LRP1: variants seen among roughly 807,000 people sequenced by gnomAD.
LRP1 encodes the protein LDL receptor related protein 1, also known as prolow-density lipoprotein receptor-related protein 1.
A neutral mutation model predicts 541.5 loss-of-function variants in LRP1; 51 were observed. That is an observed-to-expected ratio of 0.09 (90% CI 0.08 to 0.12). LRP1 has a LOEUF of 0.12. Ranked by LOEUF, LRP1 falls within the 10% of genes least tolerant of loss-of-function variation. The pLI, the probability that LRP1 is intolerant of heterozygous loss-of-function variation, is 1.00. For missense variants in LRP1, 3,878 were observed against 6,376.2 expected, an observed-to-expected ratio of 0.61 and a Z score of 13.34; for synonymous variants, 2,219 against 2,470.8, an observed-to-expected ratio of 0.90 and a Z score of 3.02.
chr12:57,172,985 T>C (rs2035975218), intron 20 of LRP1, among the ~76,000 whole-genome samples, 183 bp from the exon 21 acceptor site: 1 of 152,180 alleles, frequency 6.6e-6, no homozygotes, highest in African/African-American at 2.4e-5. Flanking sequence ...GGAGGTGTGA[T>C]GCCTCCTGAC....
rs1466250075 is a variant in LRP1, at chr12:57,200,022, C to T, written c.10011C>T (p.Ser3337=). ...CCTGTGTGTCCAACTGCACGGCTAG[C>T]CAGGTGAGGCTGTCCCCCAGACCCC... ...GRTCVSNCTA[S]QFVCKNDKCI... Residue 3337 remains serine (S), a synonymous_variant, in exon 62 of 89, where the codon AGC becomes AGT. Transcript: ENST00000243077. 19 of 1,591,226 alleles carry T rather than the reference C, an allele frequency of 1.2e-5. No individual in the cohort carries two copies. The highest frequency in any genetic ancestry group is 1.5e-5 in the Non-Finnish European group (18 of 1,173,512).
Position 57,194,569 on chromosome 12 carries a change from C to T in LRP1, c.8069-8C>T, listed in dbSNP as rs750088743. Reference sequence around the variant, plus strand: ...GAGCAGGGCCCTCACACCTGCCTCGCCCCCCAGGTGTGAAACGCCCCAGAT... The same window carrying T: ...GAGCAGGGCCCTCACACCTGCCTCGTCCCCCAGGTGTGAAACGCCCCAGAT... On this transcript the variant is annotated splice_polypyrimidine_tract_variant and splice_region_variant and intron_variant, in intron 49 of 88. Transcript: ENST00000243077. The T allele has an allele frequency of 9.3e-6, 15 of 1,612,268 alleles. No homozygotes were observed. Among genetic ancestry groups the T allele is most frequent in the African/African-American group, 6.7e-5 (5 of 74,884 alleles).
rs771288500 is a variant in LRP1 at position 57,154,399 on chromosome 12, T to A, written c.1004+29T>A. The A allele has an allele frequency of 6.9e-6, 11 of 1,602,420 alleles. No individual in the cohort carries two copies. Among genetic ancestry groups the A allele is most frequent in the Middle Eastern group, 3.3e-4 (2 of 6,000 alleles). The stretch of plus-strand genomic sequence containing the variant: ...AGAGTGGCAGGCGGGGTTCTGGCCC[T>A]GGAAGGTGGGAGGCTGAGGCTACAG... On this transcript the variant is annotated intron_variant, in intron 7 of 88. Coordinates refer to ENST00000243077, the MANE Select transcript of LRP1 (RefSeq NM_002332.3). This position sits in a 1 kb window ranked among gnomAD's most constrained non-coding sequence, Gnocchi z 4.6.
intron 80 of LRP1, 29 bp downstream of exon 80, chr12:57,209,897 G>A: frequency 6.2e-7 from 1 of 1,609,604 alleles, no homozygotes; most frequent in Non-Finnish European, 8.5e-7. Flanking sequence ...CTGGGCTGGG[G>A]AAGGGAGGCC....
chr12:57,162,311 C>T lies in LRP1; in HGVS notation c.2203-6C>T. 6.2e-7 allele frequency: 1 copy of T among 1,613,280 alleles called. No individual in the cohort carries two copies. The highest frequency in any genetic ancestry group is 8.5e-7 in the Non-Finnish European group (1 of 1,179,244). On this transcript the variant is annotated splice_polypyrimidine_tract_variant and splice_region_variant and intron_variant, in intron 13 of 88. Transcript: ENST00000243077. The surrounding 1 kb of genome is among the most constrained non-coding windows in gnomAD (Gnocchi z 5.2). Reference sequence around the variant, plus strand: ...AACTCCTTAGTAACATCCTCTCCATCCCTAGATTGTGTATGAAGGTCCTGA... The same window carrying T: ...AACTCCTTAGTAACATCCTCTCCATTCCTAGATTGTGTATGAAGGTCCTGA...
chr12:57,153,810 T>C (rs570882495), intron 6 of LRP1, among the ~76,000 whole-genome samples: 3 of 152,106 alleles, frequency 2.0e-5, no homozygotes, highest in South Asian at 2.1e-4. Context: ...TAGCATGAGA[T>C]AACTAGATTT....
chr12:57,136,004 T>C lies in LRP1; in HGVS notation c.68-2455T>C, dbSNP rs539240447. 3.3e-5 allele frequency among the ~76,000 whole-genome samples: 5 copies of C among 152,244 alleles called. No homozygotes were observed. In the South Asian group the frequency reaches 1.0e-3, roughly 32 times the overall value. ...CCCAGGTGGGTGGCACGGGGGTCTG[T>C]TTCTGGGCTCCAAACATCTCATCTG... On this transcript the variant is annotated intron_variant, in intron 1 of 88. Transcript: ENST00000243077.
chr12:57,198,034 C>T, intron 58 of LRP1, 122 bp from the exon 59 acceptor site: 1 of 791,232 alleles, frequency 1.3e-6, no homozygotes, highest in Non-Finnish European at 2.0e-6. Flanking sequence ...CATGGTTCTC[C>T]CACCAGAGCT....
chr12:57,143,050 C>G (rs1279340578), intron 3 of LRP1, among the ~76,000 whole-genome samples: 1 of 152,142 alleles, frequency 6.6e-6, no homozygotes, highest in Non-Finnish European at 1.5e-5. Flanking sequence ...TCTCCCACCT[C>G]TCCCCCCTCC....
At chr12:57,132,688 T>C (rs1181374247) in intron 1 of LRP1, among the ~76,000 whole-genome samples, 2 of 152,156 alleles carry the variant, frequency 1.3e-5, no homozygotes, top group Non-Finnish European at 2.9e-5. Flanking sequence ...TCTCTCACCC[T>C]CTCAGTTCAT....
Position 57,192,897 on chromosome 12 carries a change from G to A in LRP1, c.7482G>A (p.Leu2494=), listed in dbSNP as rs1180728673. ...ACGGTGGCTGCCAGGACCTGTGTCT[G>A]CTCACTCACCAGGGCCATGTCAACT... ...INNGGCQDLC[L]LTHQGHVNCS... is the part of the protein sequence containing the mutation. Residue 2494 remains leucine (L), a synonymous_variant, in exon 45 of 89, where the codon CTG becomes CTA. Transcript: ENST00000243077. 1.2e-6 allele frequency: 2 copies of A among 1,614,074 alleles called. No individual in the cohort carries two copies. Among genetic ancestry groups the A allele is most frequent in the Admixed American group, 1.7e-5 (1 of 60,034 alleles).
Position 57,193,476 on chromosome 12 carries a change from G to T in LRP1, c.7685-90G>T, listed in dbSNP as rs535339714. 1.4e-5 allele frequency: 21 copies of T among 1,546,180 alleles called. No individual in the cohort carries two copies. The South Asian group carries it at 1.8e-4, about 13-fold the overall frequency. ...CTGGACTGGGCCTTTGGGTTTGGGG[G>T]TGGCCAGCTGGACACGTGCATGACG... On this transcript the variant is annotated intron_variant, in intron 46 of 88. Coordinates refer to ENST00000243077, the MANE Select transcript of LRP1 (RefSeq NM_002332.3).
Position 57,201,408 on chromosome 12 carries a change from G to C in LRP1, c.10346-89G>C, listed in dbSNP as rs36063890. 7.3e-5 allele frequency: 112 copies of C among 1,528,124 alleles called. No homozygotes were observed. The highest frequency in any genetic ancestry group is 9.2e-5 in the Non-Finnish European group (104 of 1,130,984). The allele number at this position is 1,528,124 out of a possible 1,614,324, so 94.7% of individuals were successfully genotyped here. A position where few individuals can be genotyped will look rare whatever the true frequency, so the allele number is the denominator to read the frequency against. ...CGAAGAAGTTGCTGGCAGGACCAAG[G>C]CCAGGGCTTGGAAGAGAGAGAAGAC... is the stretch of plus-strand genomic sequence containing the variant. On this transcript the variant is annotated intron_variant, in intron 65 of 88. Transcript: ENST00000243077. This position sits in a 1 kb window ranked among gnomAD's most constrained non-coding sequence, Gnocchi z 6.4.
intron 3 of LRP1, among the ~76,000 whole-genome samples, chr12:57,142,846 GCC>G (rs1418173995): frequency 1.3e-5 from 2 of 151,982 alleles, no homozygotes; most frequent in Non-Finnish European, 2.9e-5. Flanking sequence ...CTGGGGCCTG[GCC>G]CCCCATCCCA....
intron 18 of LRP1, 80 bp downstream of exon 18, chr12:57,167,126 GAC>G: frequency 1.7e-6 from 2 of 1,205,618 alleles, no homozygotes; most frequent in Non-Finnish European, 2.4e-6. Context: ...GGGTGCCGGA[GAC>G]ACCTGCAACC....
At position 57,164,147 on chromosome 12, in the gene LRP1, G is replaced by A. The variant is rs148668563; in HGVS notation, c.2530+1164G>A. Among the ~76,000 whole-genome samples the A allele has an allele frequency of 7.0e-3, 1,059 of 152,334 alleles. 8 individuals are homozygous for A. Among genetic ancestry groups the A allele is most frequent in the African/African-American group, 0.024 (987 of 41,564 alleles). ...GATTGTGCCACTGCACTCCAGCCTGGCGACAGAGCAAGACATCATCTCAAA... is the reference window on the plus strand; with the variant it reads ...GATTGTGCCACTGCACTCCAGCCTGACGACAGAGCAAGACATCATCTCAAA... On this transcript the variant is annotated intron_variant, in intron 15 of 88. Transcript: ENST00000243077.
chr12:57,208,145 C>T lies in LRP1; in HGVS notation c.11967C>T (p.Gly3989=). ...TGATTGAGGTGGCGCAGATGAAGGG[C>T]GAGAACCGCAAGACGCTCATCTCGG... ...RDVIEVAQMK[G]ENRKTLISGM... Residue 3989 remains glycine (G), a synonymous_variant, in exon 77 of 89, where the codon GGC becomes GGT. Transcript: ENST00000243077. The T allele has an allele frequency of 1.2e-6, 2 of 1,614,144 alleles. No homozygotes were observed. Among genetic ancestry groups the T allele is most frequent in the Non-Finnish European group, 1.7e-6 (2 of 1,180,028 alleles).
chr12:57,204,873 A>G lies in LRP1; in HGVS notation c.11194+124A>G. ...GGAGGACTCGCCCAGGAAGGGGAGG[A>G]TCCATTGCTAGGAGCCTGGGGGCTT... is the stretch of plus-strand genomic sequence containing the variant. On this transcript the variant is annotated intron_variant, in intron 72 of 88. Transcript: ENST00000243077. This position sits in a 1 kb window ranked among gnomAD's most constrained non-coding sequence, Gnocchi z 5.3. 1 of 1,464,948 alleles carries G rather than the reference A, an allele frequency of 6.8e-7. No homozygotes were observed. The highest frequency in any genetic ancestry group is 9.2e-7 in the Non-Finnish European group (1 of 1,083,452). The allele number at this position is 1,464,948 out of a possible 1,614,324, so 90.7% of individuals were successfully genotyped here. A position where few individuals can be genotyped will look rare whatever the true frequency, so the allele number is the denominator to read the frequency against.
Position 57,162,021 on chromosome 12 carries a change from G to T in LRP1, c.2203-296G>T, listed in dbSNP as rs1462086076. Among the ~76,000 whole-genome samples the T allele has an allele frequency of 6.6e-6, 1 of 151,924 alleles. No homozygotes were observed. The highest frequency in any genetic ancestry group is 2.4e-5 in the African/African-American group (1 of 41,324). ...TGAGTGTGTGTGTGTGTGTGTGCACGTATGTGTGCGTGTGTGTGTTTGGGG... is the reference window on the plus strand; with the variant it reads ...TGAGTGTGTGTGTGTGTGTGTGCACTTATGTGTGCGTGTGTGTGTTTGGGG... On this transcript the variant is annotated intron_variant, in intron 13 of 88. Coordinates refer to ENST00000243077, the MANE Select transcript of LRP1 (RefSeq NM_002332.3). This position sits in a 1 kb window ranked among gnomAD's most constrained non-coding sequence, Gnocchi z 5.2.
Sources: allele counts gnomAD v4.1 joint callset (sites outside exome capture counted in the v4.1 genomes callset), GRCh38; gene constraint gnomAD v4.1.1; non-coding constraint Gnocchi (gnomAD v3.1); transcripts MANE v1.5; gene names NCBI Gene and HGNC (gene_info 2026-07-23, HGNC 2026-07-21).